Variants in SHPRH observed in about 807,000 individuals in gnomAD.
SHPRH encodes the protein SNF2 histone linker PHD RING helicase.
In SHPRH, 106 loss-of-function variants were observed where a neutral mutation model predicts 202.5. The observed-to-expected ratio is 0.52, with a 90% confidence interval of 0.45 to 0.62. The LOEUF (loss-of-function observed/expected upper bound fraction) is 0.62. Among genes scored for constraint, SHPRH ranks in the 20% least tolerant of loss-of-function variants. The pLI is 0.00. For missense variants in SHPRH, 1,710 were observed against 2,020.0 expected (o/e 0.85, Z 2.94); for synonymous variants, 729 against 686.0 (o/e 1.06, Z -0.98).
rs1783134892 is a variant in SHPRH, at chr6:145,908,047, G to C, written c.4515+2401C>G. ...TTTTGTTCCTGTGTTAGTTTGCTGAGGATGATGGCTTCCAGCTTCATCCAT... is the reference window on the plus strand; with the variant it reads ...TTTTGTTCCTGTGTTAGTTTGCTGACGATGATGGCTTCCAGCTTCATCCAT... On this transcript the variant is annotated intron_variant, in intron 25 of 29. Coordinates refer to ENST00000275233, the MANE Select transcript of SHPRH (RefSeq NM_001042683.3). 3 of 152,184 alleles carry C rather than the reference G, an allele frequency of 2.0e-5. No individual in the cohort carries two copies. The South Asian group carries it at 6.2e-4, about 32-fold the overall frequency. 9.4% of individuals were successfully genotyped at this position (152,184 alleles called of 1,614,324 possible). A position where few individuals can be genotyped will look rare whatever the true frequency, so the allele number is the denominator to read the frequency against.
In SHPRH at chr6:145,924,746, T is replaced by C; in HGVS notation, c.3395A>G (p.Gln1132Arg). 6.2e-7 allele frequency: 1 copy of C among 1,611,266 alleles called. No individual in the cohort carries two copies. Among genetic ancestry groups the C allele is most frequent in the South Asian group, 1.1e-5 (1 of 90,904 alleles). ...CACTGCATTTTGGCATACCTTTCTT[T>C]GAAGCTCATGGATGGTCTGCTGCAC... ...YPVQQTIHEL[Q>R]RKIHSNSPWW... is the part of the protein sequence containing the mutation. Residue 1132 changes from glutamine to arginine, a missense_variant, in exon 17 of 30, where the codon CAA (glutamine) becomes CGA (arginine). This residue lies in a region of SHPRH where 288 missense variants were observed against 317.8 expected (regional missense o/e 0.91). Transcript: ENST00000275233.
chr6:145,859,772 G>GACT (rs1482308851), downstream of SHPRH, among the ~76,000 whole-genome samples: 1 of 152,004 alleles, frequency 6.6e-6, no homozygotes, highest in African/African-American at 2.4e-5. Flanking sequence ...GTGGGCTGTA[G>GACT]ATACCATAAT....
chr6:145,867,631 T>TAGAGAGAGAGAGAGAG (rs748613165), intron 2 of SHPRH, among the ~76,000 whole-genome samples: 8 of 22,318 alleles, frequency 3.6e-4, no homozygotes, highest in South Asian at 2.1e-3. Context: ...TATATATATA[T>TAGAGAGAGAGAGAGAG]AGAGAGAGAG....
chr6:145,950,003 G>C (rs1194734542), intron 4 of SHPRH, among the ~76,000 whole-genome samples: 3 of 151,982 alleles, frequency 2.0e-5, no homozygotes, highest in Admixed American at 2.0e-4. Flanking sequence ...AAATTTCTTG[G>C]TTTTTAAAAA....
intron 4 of SHPRH, among the ~76,000 whole-genome samples, chr6:145,949,211 A>T (rs1361955536): frequency 6.6e-6 from 1 of 152,068 alleles, no homozygotes; most frequent in Non-Finnish European, 1.5e-5. Flanking sequence ...ACTACTGGGT[A>T]TCTACCCAAA....
chr6:145,954,935 T>A lies in SHPRH; in HGVS notation c.388A>T (p.Ile130Phe). Residue 130 changes from isoleucine to phenylalanine, a missense_variant, in exon 2 of 30, where the codon ATT becomes TTT. By Grantham distance (21) the Ile-to-Phe change is conservative. This residue lies in a region of SHPRH where 459 missense variants were observed against 426.5 expected (regional missense o/e 1.08). Transcript: ENST00000275233. Reference protein sequence around the residue: ...TLQLLPAQSLIENFSERSITL... With the variant: ...TLQLLPAQSLFENFSERSITL... ...ATACTCCTTTCGGAAAAATTTTCAATTAAACTCTGTGCAGGAAGAAGCTGA... is the reference window on the plus strand; with the variant it reads ...ATACTCCTTTCGGAAAAATTTTCAAATAAACTCTGTGCAGGAAGAAGCTGA... The A allele has an allele frequency of 6.2e-7, 1 of 1,613,870 alleles. No individual in the cohort carries two copies. The highest frequency in any genetic ancestry group is 8.5e-7 in the Non-Finnish European group (1 of 1,179,908).
chr6:145,942,378 C>A (rs768154337), intron 9 of SHPRH, among the ~76,000 whole-genome samples: 1 of 152,158 alleles, frequency 6.6e-6, no homozygotes, highest in Non-Finnish European at 1.5e-5. Context: ...TCCTATCCCA[C>A]ACATAAGAAA....
intron 23 of SHPRH, among the ~76,000 whole-genome samples, chr6:145,914,045 A>G (rs895183092): frequency 5.8e-4 from 88 of 152,252 alleles, no homozygotes; most frequent in African/African-American, 2.0e-3. Flanking sequence ...ATTCCAATTC[A>G]TTTTACTATG....
intron 14 of SHPRH, among the ~76,000 whole-genome samples, chr6:145,932,168 T>C (rs140403469): frequency 1.3e-5 from 2 of 152,190 alleles, no homozygotes; most frequent in Non-Finnish European, 2.9e-5. Flanking sequence ...ACATGTTTCA[T>C]CTTCACTCTT....
At chr6:145,951,549 A>G (rs1307242691) in intron 3 of SHPRH, among the ~76,000 whole-genome samples, 1 of 152,094 alleles carries the variant, frequency 6.6e-6, no homozygotes, top group East Asian at 1.9e-4. Flanking sequence ...ACAAATTGTA[A>G]TATTTTTAAA....
chr6:145,879,905 A>C (rs2253887), downstream of SHPRH, among the ~76,000 whole-genome samples: 48,253 of 136,576 alleles, frequency 0.35, 9,178 homozygotes, highest in South Asian at 0.46. Flanking sequence ...AGTGAAACTC[A>C]ATCTCAAAAA....
chr6:145,887,533 G>GTTTTTTT (rs1220167063), intron 29 of SHPRH, among the ~76,000 whole-genome samples: 1 of 131,146 alleles, frequency 7.6e-6, no homozygotes, highest in African/African-American at 2.9e-5. Context: ...TAACAAGTTT[G>GTTTTTTT]TTTTTTTTTT....
At chr6:145,892,000 T>G (rs1406076953) in intron 28 of SHPRH, among the ~76,000 whole-genome samples, 1 of 152,182 alleles carries the variant, frequency 6.6e-6, no homozygotes, top group African/African-American at 2.4e-5. Flanking sequence ...TTATTACAGT[T>G]ACTTTGCCCT....
Position 145,934,957 on chromosome 6 carries a change from G to A in SHPRH, c.2940C>T (p.Ala980=). 2 of 1,613,428 alleles carry A rather than the reference G, an allele frequency of 1.2e-6. No individual in the cohort carries two copies. Among genetic ancestry groups the A allele is most frequent in the South Asian group, 2.2e-5 (2 of 91,068 alleles). ...ILYPLLRLRQ[A]CCHPQAVRGE... ...CACGAACAGCCTGTGGGTGACAGCA[G>A]GCCTGTCTGAGCCTCAGCAATGGAT... is the stretch of plus-strand genomic sequence containing the variant. Residue 980 remains alanine, a synonymous_variant, in exon 13 of 30, where the codon GCC becomes GCT. Transcript: ENST00000275233.
At chr6:145,941,222 G>A (rs1786741459) in intron 10 of SHPRH, among the ~76,000 whole-genome samples, 1 of 152,152 alleles carries the variant, frequency 6.6e-6, no homozygotes, top group Non-Finnish European at 1.5e-5. Context: ...GTCCTCTAAA[G>A]TAGTATTTTC....
At position 145,948,326 on chromosome 6, in the gene SHPRH, C is replaced by T. The variant is rs754004148; in HGVS notation, c.1007G>A (p.Arg336Gln). ...ATESALHFLWREIVTSEGLKL... is the reference protein window; with the variant it reads ...ATESALHFLWQEIVTSEGLKL... Reference sequence around the variant, plus strand: ...CAGACCCTCAGATGTAACAATCTCTCGCCATAAGAAGTGCAGGGCACTTTC... The same window carrying T: ...CAGACCCTCAGATGTAACAATCTCTTGCCATAAGAAGTGCAGGGCACTTTC... The change falls in exon 5 of 30, where the codon CGA becomes CAA. Residue 336 changes from arginine (R) to glutamine (Q), a missense_variant. By Grantham distance (43) the Arg-to-Gln change is conservative (BLOSUM62 1). Around this residue, in one of 8 missense-constraint regions of SHPRH, gnomAD observed 459 missense variants for 426.5 expected, o/e 1.08. Transcript: ENST00000275233. The T allele has an allele frequency of 1.7e-5, 28 of 1,603,832 alleles. No individual in the cohort carries two copies. The highest frequency in any genetic ancestry group is 2.2e-5 in the East Asian group (1 of 44,566).
intron 19 of SHPRH, 91 bp downstream of exon 19, chr6:145,922,572 C>A (rs1436255139): frequency 1.4e-6 from 2 of 1,442,544 alleles, no homozygotes; most frequent in African/African-American, 2.9e-5. Context: ...AATGAAAAAA[C>A]CTTTACTATA....
intron 11 of SHPRH, 29 bp from the exon 12 acceptor site, chr6:145,935,470 G>T: frequency 6.2e-7 from 1 of 1,608,154 alleles, no homozygotes. Context: ...ATACATTGAG[G>T]ATAACTCTAT....
At chr6:145,944,725 T>C (rs1386664414) in intron 8 of SHPRH, among the ~76,000 whole-genome samples, 3 of 152,154 alleles carry the variant, frequency 2.0e-5, no homozygotes, top group Non-Finnish European at 4.4e-5. Flanking sequence ...AATCTTTATT[T>C]ATGATTGCAA....
Sources: allele counts gnomAD v4.1 joint callset (sites outside exome capture counted in the v4.1 genomes callset), GRCh38; gene constraint gnomAD v4.1.1; regional missense constraint gnomAD v4.1.1; transcripts MANE v1.5; gene names NCBI Gene and HGNC (gene_info 2026-07-23, HGNC 2026-07-21).